The following CTNNA3 variants were observed in gnomAD, a reference collection of about 807,000 sequenced individuals.
CTNNA3 encodes catenin alpha-3.
A neutral mutation model predicts 95.7 loss-of-function variants in CTNNA3; 76 were observed. The ratio of observed to expected loss-of-function variants is 0.79; its 90% confidence interval spans 0.66 to 0.96. The LOEUF (loss-of-function observed/expected upper bound fraction) is 0.96. Among genes scored for constraint, CTNNA3 ranks in the 40% least tolerant of loss-of-function variants. The pLI is 0.00. For synonymous variants in CTNNA3, 431 were observed against 374.4 expected (o/e 1.15, Z -1.74); for missense variants, 1,191 against 1,089.8 (o/e 1.09, Z -1.31).
intron 7 of CTNNA3, among the ~76,000 whole-genome samples, chr10:67,057,748 T>G (rs1855525530): frequency 6.6e-6 from 1 of 152,106 alleles, no homozygotes; most frequent in Admixed American, 6.6e-5. Context: ...GAGCTTCTTC[T>G]TCACTCTCTC....
intron 9 of CTNNA3, among the ~76,000 whole-genome samples, chr10:66,725,707 A>G (rs1044696216): frequency 2.0e-5 from 3 of 152,136 alleles, no homozygotes; most frequent in African/African-American, 4.8e-5. Context: ...TACGAAGTAC[A>G]TGATAATGTA....
At chr10:66,682,355 T>C (rs1263251253) in intron 9 of CTNNA3, among the ~76,000 whole-genome samples, 1 of 152,034 alleles carries the variant, frequency 6.6e-6, no homozygotes, top group East Asian at 1.9e-4. Context: ...AGGTAAAAAT[T>C]AAAAGAAAAT....
At chr10:67,762,691 AAAG>A (rs1376581942) in intron 1 of CTNNA3, among the ~76,000 whole-genome samples, 8 of 152,208 alleles carry the variant, frequency 5.3e-5, no homozygotes, top group Non-Finnish European at 8.8e-5. Context: ...GCCTCCAAAG[AAAG>A]AAGAAGTAAA....
chr10:67,640,014 A>C (rs1839471703), intron 2 of CTNNA3, among the ~76,000 whole-genome samples: 1 of 152,022 alleles, frequency 6.6e-6, no homozygotes, highest in Non-Finnish European at 1.5e-5. Flanking sequence ...CAGGGCAATC[A>C]GGCAGAAGGA....
intron 10 of CTNNA3, among the ~76,000 whole-genome samples, chr10:66,616,316 C>G (rs1564570200): frequency 1.3e-5 from 2 of 152,044 alleles, no homozygotes; most frequent in Non-Finnish European, 2.9e-5. Context: ...CAATTCCTGT[C>G]AGGATAGCTC....
At chr10:66,671,175 T>C (rs977682023) in intron 9 of CTNNA3, among the ~76,000 whole-genome samples, 1 of 152,206 alleles carries the variant, frequency 6.6e-6, no homozygotes, top group Non-Finnish European at 1.5e-5. Flanking sequence ...AGAGAAACAT[T>C]AGTTTAACTG....
At chr10:67,081,913 A>T (rs1225607012) in intron 7 of CTNNA3, among the ~76,000 whole-genome samples, 1 of 152,184 alleles carries the variant, frequency 6.6e-6, no homozygotes, top group South Asian at 2.1e-4. Flanking sequence ...TTATGTTTAT[A>T]TGCATGGATC....
At chr10:67,613,978 G>A (rs536059294) in intron 2 of CTNNA3, among the ~76,000 whole-genome samples, 117 of 152,314 alleles carry the variant, frequency 7.7e-4, no homozygotes, top group African/African-American at 2.7e-3. Flanking sequence ...CTTAAAGATG[G>A]CATGGACCCA....
chr10:66,754,094 C>T (rs1589217768), intron 9 of CTNNA3, among the ~76,000 whole-genome samples: 1 of 151,988 alleles, frequency 6.6e-6, no homozygotes, highest in Admixed American at 6.6e-5. Flanking sequence ...GAAAGAAGAA[C>T]GATACTGGAG....
In CTNNA3 at chr10:65,945,762, C is replaced by A. The variant is rs188777594; in HGVS notation, c.2400+20850G>T. Among the ~76,000 whole-genome samples the A allele has an allele frequency of 7.9e-5, 12 of 152,158 alleles. No homozygotes were observed. In the South Asian group the frequency reaches 8.3e-4, roughly 11 times the overall value. On this transcript the variant is annotated intron_variant, in intron 17 of 17. Coordinates refer to ENST00000433211, the MANE Select transcript of CTNNA3 (RefSeq NM_013266.4). ...CTATAAAATCAGAATAATAATGGGA[C>A]CTTCTTCATTGGTTTGAAGATTTAA...
rs577330671 is a variant in CTNNA3 at position 66,379,228 on chromosome 10, C to T, written c.1656G>A (p.Thr552=). ...GRAARVAHIV[T]GEMDSYEPGA... is the part of the protein sequence containing the mutation. The stretch of plus-strand genomic sequence containing the variant: ...CTGGCTCGTAACTGTCCATTTCACC[C>T]GTGACGATGTGAGCAACTCTTGCTG... The change falls in exon 12 of 18, where the codon ACG becomes ACA. Residue 552 remains threonine (T), a synonymous_variant. Transcript: ENST00000433211. 17 of 1,614,106 alleles carry T rather than the reference C, an allele frequency of 1.1e-5. No homozygotes were observed. Among genetic ancestry groups the T allele is most frequent in the South Asian group, 4.4e-5 (4 of 91,086 alleles).
At position 66,449,128 on chromosome 10, in the gene CTNNA3, A is replaced by G. The variant is rs189954671; in HGVS notation, c.1532-69776T>C. Among the ~76,000 whole-genome samples the G allele has an allele frequency of 5.3e-5, 8 of 152,270 alleles. No homozygotes were observed. In the East Asian group the frequency reaches 1.2e-3, roughly 22 times the overall value. ...AAATCCTAGAAAATATATGCCCAATAAAATGAGAATGCTTAAAAAAATGAG... is the reference window on the plus strand; with the variant it reads ...AAATCCTAGAAAATATATGCCCAATGAAATGAGAATGCTTAAAAAAATGAG... On this transcript the variant is annotated intron_variant, in intron 11 of 17. Coordinates refer to ENST00000433211, the MANE Select transcript of CTNNA3 (RefSeq NM_013266.4).
chr10:67,417,079 A>G (rs1290939615), intron 5 of CTNNA3, among the ~76,000 whole-genome samples: 2 of 152,188 alleles, frequency 1.3e-5, no homozygotes, highest in Admixed American at 1.3e-4. Context: ...ATAAAGAAAA[A>G]ATAGTACATA....
intron 1 of CTNNA3, among the ~76,000 whole-genome samples, chr10:67,674,255 T>A (rs548698665): frequency 2.0e-5 from 3 of 152,058 alleles, no homozygotes; most frequent in African/African-American, 7.2e-5. Context: ...AATTAGGACA[T>A]AGAGAAGAAA....
intron 13 of CTNNA3, among the ~76,000 whole-genome samples, chr10:66,141,389 A>G (rs1373535843): frequency 6.6e-6 from 1 of 152,180 alleles, no homozygotes; most frequent in Non-Finnish European, 1.5e-5. Context: ...TAAAATTTAC[A>G]TTAAAGAATA....
At chr10:66,962,669 C>T (rs1849182732) in intron 7 of CTNNA3, among the ~76,000 whole-genome samples, 1 of 152,012 alleles carries the variant, frequency 6.6e-6, no homozygotes, top group Admixed American at 6.6e-5. Flanking sequence ...CCCCAGCCTC[C>T]CAAAGTGCTG....
chr10:66,245,675 G>A (rs1589837667), intron 13 of CTNNA3, among the ~76,000 whole-genome samples: 1 of 152,280 alleles, frequency 6.6e-6, no homozygotes, highest in East Asian at 1.9e-4. Flanking sequence ...CTCCAGGCAG[G>A]TCATGCCATC....
At chr10:67,715,030 C>A (rs1160778552) in intron 1 of CTNNA3, among the ~76,000 whole-genome samples, 4 of 152,138 alleles carry the variant, frequency 2.6e-5, no homozygotes, top group African/African-American at 9.7e-5. Flanking sequence ...AGCATGAAAG[C>A]AGACTAATAC....
At chr10:67,601,336 G>A (rs1372947817) in intron 3 of CTNNA3, among the ~76,000 whole-genome samples, 3 of 152,212 alleles carry the variant, frequency 2.0e-5, no homozygotes, top group Admixed American at 6.5e-5. Flanking sequence ...AAATCATCAG[G>A]CGTTAGAGTC....
Sources: gnomAD v4.1 joint callset for allele counts (sites outside exome capture counted in the v4.1 genomes callset) on GRCh38, gnomAD v4.1.1 for gene constraint, MANE v1.5 for transcripts, NCBI Gene and HGNC (gene_info 2026-07-23, HGNC 2026-07-21) for gene names.